The following ITPKB variants were observed in gnomAD, a reference collection of about 807,000 sequenced individuals.
ITPKB encodes the protein IP3 3-kinase B.
In ITPKB, 13 loss-of-function variants were observed where a neutral mutation model predicts 69.4. The observed-to-expected ratio is 0.19, with a 90% CI of 0.12 to 0.30. ITPKB has a LOEUF of 0.30. Among genes scored for constraint, ITPKB ranks in the 10% least tolerant of loss-of-function variants. The pLI, the probability that ITPKB is intolerant of heterozygous loss-of-function variation, is 1.00. For missense variants in ITPKB, 1,240 were observed against 1,250.5 expected (o/e 0.99, Z 0.13); for synonymous variants, 584 against 513.7 (o/e 1.14, Z -1.85).
intron 2 of ITPKB, among the ~76,000 whole-genome samples, chr1:226,658,648 G>A (rs941411465): frequency 2.0e-5 from 3 of 152,164 alleles, no homozygotes; most frequent in Admixed American, 6.5e-5. Context: ...TTCATCCCCC[G>A]TCTCCACCCG....
At chr1:226,683,548 G>A (rs1391318602) in intron 2 of ITPKB, among the ~76,000 whole-genome samples, 1 of 152,030 alleles carries the variant, frequency 6.6e-6, no homozygotes, top group Non-Finnish European at 1.5e-5. Flanking sequence ...CCCCATGACC[G>A]CCTACCCATG....
rs1668856102 is a variant in ITPKB at position 226,637,109 on chromosome 1, G to C, written c.2625+570C>G. Among the ~76,000 whole-genome samples, 1 of 152,130 alleles carries C rather than the reference G, an allele frequency of 6.6e-6. No individual in the cohort carries two copies. The highest frequency in any genetic ancestry group is 6.5e-5 in the Admixed American group (1 of 15,274). ...GTGTGTGTGAATGTGTCATGTGGCT[G>C]GGGACCTGGACTCCCCATGTCAGGG... On this transcript the variant is annotated intron_variant, in intron 7 of 7. Coordinates refer to ENST00000429204, the MANE Select transcript of ITPKB (RefSeq NM_002221.4). The surrounding 1 kb of genome is among the most constrained non-coding windows in gnomAD (Gnocchi z 4.3).
intron 2 of ITPKB, among the ~76,000 whole-genome samples, chr1:226,671,343 G>A (rs1352516958): frequency 6.6e-6 from 1 of 152,246 alleles, no homozygotes. Context: ...GAGCCCCTGA[G>A]GGCAGGGACC....
At chr1:226,692,911 C>T (rs1455438066) in intron 2 of ITPKB, among the ~76,000 whole-genome samples, 1 of 152,244 alleles carries the variant, frequency 6.6e-6, no homozygotes, top group African/African-American at 2.4e-5. Flanking sequence ...AGCCAACAAT[C>T]AGCAGACAAC....
intron 2 of ITPKB, among the ~76,000 whole-genome samples, chr1:226,669,853 TG>T (rs1383524058): frequency 1.3e-5 from 2 of 151,602 alleles, no homozygotes; most frequent in African/African-American, 2.4e-5. Context: ...ACAAAAAAAA[TG>T]TTTTTTTGGT....
intron 2 of ITPKB, among the ~76,000 whole-genome samples, chr1:226,733,105 G>A (rs563200006): frequency 1.3e-5 from 2 of 152,292 alleles, no homozygotes; most frequent in East Asian, 3.9e-4. Flanking sequence ...ACCTGTGTGA[G>A]TGGGGTGAGC....
At position 226,696,140 on chromosome 1, in the gene ITPKB, C is replaced by T. The variant is rs183989017; in HGVS notation, c.1932+39387G>A. Among the ~76,000 whole-genome samples, 34 of 152,266 alleles carry T rather than the reference C, an allele frequency of 2.2e-4. No individual in the cohort carries two copies. The East Asian group carries it at 6.4e-3, about 28-fold the overall frequency. On this transcript the variant is annotated intron_variant, in intron 2 of 7. Coordinates refer to ENST00000429204, the MANE Select transcript of ITPKB (RefSeq NM_002221.4). Reference sequence around the variant, plus strand: ...GGAATTCACTATGCTGGATTAAAACCCTGGCTCTACTAGTCACTAGCTGGG... The same window carrying T: ...GGAATTCACTATGCTGGATTAAAACTCTGGCTCTACTAGTCACTAGCTGGG...
Position 226,637,832 on chromosome 1 carries a change from C to G in ITPKB, c.2554-82G>C, listed in dbSNP as rs1339812892. ...GAACACCCATGCGGCCTCTAGTGGT[C>G]CCTCCCGTGAATGTGCTTTACCCTA... On this transcript the variant is annotated intron_variant, in intron 6 of 7. Coordinates refer to ENST00000429204, the MANE Select transcript of ITPKB (RefSeq NM_002221.4). The surrounding 1 kb of genome is among the most constrained non-coding windows in gnomAD (Gnocchi z 4.3). 6 of 1,029,162 alleles carry G rather than the reference C, an allele frequency of 5.8e-6. No homozygotes were observed. The Admixed American group carries it at 1.2e-4, about 20-fold the overall frequency. The allele number at this position is 1,029,162 out of a possible 1,614,324, so 63.8% of individuals were successfully genotyped here.
At chr1:226,681,402 G>C (rs1571856198) in intron 2 of ITPKB, among the ~76,000 whole-genome samples, 1 of 152,280 alleles carries the variant, frequency 6.6e-6, no homozygotes, top group African/African-American at 2.4e-5. Flanking sequence ...TGTTCTCTGA[G>C]CCTACCATTA....
intron 2 of ITPKB, among the ~76,000 whole-genome samples, chr1:226,712,884 G>GAT (rs1657004026): frequency 6.6e-6 from 1 of 152,132 alleles, no homozygotes; most frequent in Non-Finnish European, 1.5e-5. Context: ...GCAGCTATCA[G>GAT]CAAACCACAG....
chr1:226,640,220 C>T (rs1668930851), intron 5 of ITPKB, among the ~76,000 whole-genome samples: 2 of 152,250 alleles, frequency 1.3e-5, no homozygotes, highest in Non-Finnish European at 2.9e-5. Flanking sequence ...CCCTCGCCCA[C>T]CCCACTCCCA....
intron 2 of ITPKB, among the ~76,000 whole-genome samples, chr1:226,722,643 A>C (rs1657276842): frequency 6.6e-6 from 1 of 152,164 alleles, no homozygotes; most frequent in African/African-American, 2.4e-5. Context: ...ACCACCCCTG[A>C]GGTCAACACT....
At chr1:226,651,274 C>T (rs1669187243) in intron 2 of ITPKB, among the ~76,000 whole-genome samples, 1 of 152,192 alleles carries the variant, frequency 6.6e-6, no homozygotes, top group African/African-American at 2.4e-5. Flanking sequence ...GGCGAGGCCT[C>T]GGGAGAGCGT....
Position 226,649,862 on chromosome 1 carries a change from A to AC in ITPKB, c.1933-1092_1933-1091insG, listed in dbSNP as rs1012472109. 5.4e-3 allele frequency among the ~76,000 whole-genome samples: 825 copies of AC among 152,130 alleles called. 3 individuals carry two copies. Among genetic ancestry groups the AC allele is most frequent in the Middle Eastern group, 0.031 (9 of 294 alleles). The stretch of plus-strand genomic sequence containing the variant: ...AAACAAAACAAAAAAACAAAAAAAA[A>AC]ACATATTTTTAGAAAAAATATCCTT... On this transcript the variant is annotated intron_variant, in intron 2 of 7. Coordinates refer to ENST00000429204, the MANE Select transcript of ITPKB (RefSeq NM_002221.4).
In ITPKB at chr1:226,735,893, A is replaced by C; in HGVS notation, c.1566T>G (p.Arg522=). 6.2e-7 allele frequency: 1 copy of C among 1,612,626 alleles called. No individual in the cohort carries two copies. The highest frequency in any genetic ancestry group is 8.5e-7 in the Non-Finnish European group (1 of 1,178,880). The part of the protein sequence containing the change: ...TMEKAGLAWT[R]GTGVQSEGTW... Reference sequence around the variant, plus strand: ...TCCCCTCTGATTGCACCCCTGTGCCACGCGTCCAAGCCAAACCGGCTTTCT... The same window carrying C: ...TCCCCTCTGATTGCACCCCTGTGCCCCGCGTCCAAGCCAAACCGGCTTTCT... The change falls in exon 2 of 8, where the codon CGT becomes CGG. Residue 522 remains arginine (R), a synonymous_variant. Coordinates refer to ENST00000429204, the MANE Select transcript of ITPKB (RefSeq NM_002221.4).
chr1:226,666,665 A>G (rs1377283494), intron 2 of ITPKB, among the ~76,000 whole-genome samples: 1 of 152,140 alleles, frequency 6.6e-6, no homozygotes, highest in Non-Finnish European at 1.5e-5. Context: ...CCCTACGGCT[A>G]GCACCCCTTG....
rs74861033 is a variant in ITPKB at position 226,704,922 on chromosome 1, A to G, written c.1932+30605T>C. Among the ~76,000 whole-genome samples, 18 of 152,368 alleles carry G rather than the reference A, an allele frequency of 1.2e-4. No individual in the cohort carries two copies. In the East Asian group the frequency reaches 3.3e-3, roughly 28 times the overall value. ...TTTACAACTTGAAAGAAGTACTGGC[A>G]AAAGCTTGTACTTTTTAAAAGAATC... is the stretch of plus-strand genomic sequence containing the variant. On this transcript the variant is annotated intron_variant, in intron 2 of 7. Coordinates refer to ENST00000429204, the MANE Select transcript of ITPKB (RefSeq NM_002221.4).
intron 2 of ITPKB, among the ~76,000 whole-genome samples, chr1:226,649,531 C>T (rs1669141991): frequency 6.8e-6 from 1 of 147,554 alleles, no homozygotes; most frequent in Non-Finnish European, 1.5e-5. Context: ...GTGATGTGTG[C>T]ATGTGTGTGC....
At chr1:226,695,425 T>C (rs566112840) in intron 2 of ITPKB, among the ~76,000 whole-genome samples, 1 of 152,352 alleles carries the variant, frequency 6.6e-6, no homozygotes, top group Non-Finnish European at 1.5e-5. Context: ...TGGCATTTTA[T>C]GGCAGTTAAT....
Sources: allele counts gnomAD v4.1 joint callset (sites outside exome capture counted in the v4.1 genomes callset), GRCh38; gene constraint gnomAD v4.1.1; non-coding constraint Gnocchi (gnomAD v3.1); transcripts MANE v1.5; gene names NCBI Gene and HGNC (gene_info 2026-07-23, HGNC 2026-07-21).